The following AGMO variants were observed in gnomAD, a reference collection of about 807,000 sequenced individuals.
AGMO encodes alkylglycerol monooxygenase.
AGMO carries 75 observed loss-of-function variants against 60.2 expected under a neutral mutation model. That is an observed-to-expected ratio of 1.25 (90% CI 1.03 to 1.51). The LOEUF is 1.51. AGMO is among the 40% of genes most tolerant of loss of function. The probability of loss-of-function intolerance (pLI) is 0.00; values close to 1 mark genes in which losing one functional copy is unlikely to be tolerated. For missense variants in AGMO, 763 were observed against 525.5 expected, an observed-to-expected ratio of 1.45 and a Z score of -4.42; for synonymous variants, 261 against 177.1, an observed-to-expected ratio of 1.47 and a Z score of -3.76.
chr7:15,266,948 T>C (rs1711954536), intron 12 of AGMO, among the ~76,000 whole-genome samples: 1 of 151,974 alleles, frequency 6.6e-6, no homozygotes, highest in African/African-American at 2.4e-5. Context: ...CAATCTACTC[T>C]CTAAAACAGT....
At chr7:15,268,583 G>GATTAAT (rs1783502838) in intron 12 of AGMO, among the ~76,000 whole-genome samples, 1 of 151,972 alleles carries the variant, frequency 6.6e-6, no homozygotes, top group Non-Finnish European at 1.5e-5. Flanking sequence ...CTAGCAAACT[G>GATTAAT]ATTAATACTT....
At chr7:15,408,441 A>G (rs1479341742) in intron 5 of AGMO, among the ~76,000 whole-genome samples, 1 of 151,900 alleles carries the variant, frequency 6.6e-6, no homozygotes, top group Non-Finnish European at 1.5e-5. Context: ...TAATTGATGA[A>G]GGATTATAAA....
the AGMO span, among the ~76,000 whole-genome samples, chr7:15,140,760 A>G: frequency 3.3e-5 from 5 of 151,996 alleles, no homozygotes; most frequent in Non-Finnish European, 7.4e-5. Context: ...ATTTTTTTAC[A>G]TACTTTTTTG....
chr7:15,374,932 A>C (rs989194245), intron 10 of AGMO, among the ~76,000 whole-genome samples: 6 of 152,094 alleles, frequency 3.9e-5, no homozygotes, highest in African/African-American at 1.5e-4. Flanking sequence ...TACCCTGAAG[A>C]AATTATCCAA....
chr7:15,309,639 G>A (rs1209041393), intron 12 of AGMO, among the ~76,000 whole-genome samples: 2 of 151,986 alleles, frequency 1.3e-5, no homozygotes, highest in Non-Finnish European at 2.9e-5. Flanking sequence ...TAGTAATATT[G>A]TAGGTGCATA....
At chr7:15,522,486 T>C (rs1784023582) in intron 3 of AGMO, among the ~76,000 whole-genome samples, 1 of 152,158 alleles carries the variant, frequency 6.6e-6, no homozygotes, top group South Asian at 2.1e-4. Flanking sequence ...AGCATGGTAC[T>C]AGTACCAAAA....
At chr7:15,483,101 C>G (rs972161783) in intron 3 of AGMO, among the ~76,000 whole-genome samples, 11 of 152,088 alleles carry the variant, frequency 7.2e-5, no homozygotes, top group African/African-American at 2.7e-4. Context: ...GAAAATAATA[C>G]TGTTACTGTA....
chr7:15,505,204 C>T (rs1208790524), intron 3 of AGMO, among the ~76,000 whole-genome samples: 5 of 151,870 alleles, frequency 3.3e-5, no homozygotes, highest in African/African-American at 1.2e-4. Context: ...ATTGTACTCA[C>T]AAAGAGAGCT....
intron 10 of AGMO, among the ~76,000 whole-genome samples, chr7:15,375,865 A>G (rs1194652140): frequency 1.3e-5 from 2 of 152,170 alleles, no homozygotes; most frequent in African/African-American, 2.4e-5. Context: ...TTTGTTATGT[A>G]ACTTTTTAAA....
chr7:15,371,068 A>G (rs1783190731), intron 10 of AGMO, among the ~76,000 whole-genome samples: 1 of 152,210 alleles, frequency 6.6e-6, no homozygotes, highest in Non-Finnish European at 1.5e-5. Flanking sequence ...CCATATGCAG[A>G]AGAATGAAAC....
chr7:15,231,352 C>T (rs1359763515), intron 12 of AGMO, among the ~76,000 whole-genome samples: 1 of 152,142 alleles, frequency 6.6e-6, no homozygotes, highest in Non-Finnish European at 1.5e-5. Flanking sequence ...CTATACTTAT[C>T]TCTCACTTCC....
chr7:15,316,751 C>A lies in AGMO; in HGVS notation c.1263+48763G>T, dbSNP rs564567915. 3.9e-5 allele frequency among the ~76,000 whole-genome samples: 6 copies of A among 152,148 alleles called. No homozygotes were observed. In the South Asian group the frequency reaches 1.2e-3, roughly 32 times the overall value. On this transcript the variant is annotated intron_variant, in intron 12 of 12. Transcript: ENST00000342526. Reference sequence around the variant, plus strand: ...CCCCTCTCACTGTTTAGCGAAAAATCCAAGAAAAAGAAGTTACAAAGTATA... The same window carrying A: ...CCCCTCTCACTGTTTAGCGAAAAATACAAGAAAAAGAAGTTACAAAGTATA...
intron 3 of AGMO, among the ~76,000 whole-genome samples, chr7:15,467,587 G>T (rs972151538): frequency 3.0e-4 from 45 of 152,176 alleles, no homozygotes; most frequent in African/African-American, 1.0e-3. Flanking sequence ...ATAATAGCAG[G>T]ATTCCTGAAA....
chr7:15,403,815 A>G (rs1784619754), intron 5 of AGMO, among the ~76,000 whole-genome samples: 1 of 151,976 alleles, frequency 6.6e-6, no homozygotes, highest in Non-Finnish European at 1.5e-5. Context: ...TGCTGTGTTA[A>G]TTCAAGACAA....
intron 10 of AGMO, among the ~76,000 whole-genome samples, chr7:15,369,841 A>G (rs1397484634): frequency 6.6e-6 from 1 of 152,208 alleles, no homozygotes; most frequent in Non-Finnish European, 1.5e-5. Flanking sequence ...TTTTAGTATT[A>G]ATACATTAAA....
At chr7:15,283,159 C>T (rs982314953) in intron 12 of AGMO, among the ~76,000 whole-genome samples, 1 of 152,012 alleles carries the variant, frequency 6.6e-6, no homozygotes. Flanking sequence ...ACTCACAGGG[C>T]CCATAAAACA....
chr7:15,254,784 G>A (rs1392807140), intron 12 of AGMO, among the ~76,000 whole-genome samples: 1 of 150,846 alleles, frequency 6.6e-6, no homozygotes, highest in Non-Finnish European at 1.5e-5. Context: ...AGATGAAAAA[G>A]GGGACATTAC....
At chr7:15,420,585 C>G (rs10215939) in intron 4 of AGMO, among the ~76,000 whole-genome samples, 2 of 151,990 alleles carry the variant, frequency 1.3e-5, no homozygotes, top group Non-Finnish European at 2.9e-5. Flanking sequence ...TTTTTACAAT[C>G]GAAAGCAGCT....
chr7:15,326,307 T>TC (rs1285583580), intron 12 of AGMO, among the ~76,000 whole-genome samples: 2 of 152,178 alleles, frequency 1.3e-5, no homozygotes, highest in Non-Finnish European at 2.9e-5. Context: ...GAAAATGACA[T>TC]ATAATCAGTT....
Sources: gnomAD v4.1 joint callset for allele counts (sites outside exome capture counted in the v4.1 genomes callset) on GRCh38, gnomAD v4.1.1 for gene constraint, MANE v1.5 for transcripts, NCBI Gene and HGNC (gene_info 2026-07-23, HGNC 2026-07-21) for gene names.